Variants in ZNF804B observed in about 807,000 individuals in gnomAD.
ZNF804B encodes the protein zinc finger 804B.
ZNF804B carries 80 observed loss-of-function variants against 101.4 expected under a neutral mutation model. The observed-to-expected ratio is 0.79, with a 90% CI of 0.66 to 0.95. ZNF804B has a LOEUF of 0.95. Ranked by LOEUF, ZNF804B falls within the 40% of genes least tolerant of loss-of-function variation. The pLI is 0.00. For missense variants in ZNF804B, 1,673 were observed against 1,561.9 expected (o/e 1.07, Z -1.20); for synonymous variants, 622 against 558.8 (o/e 1.11, Z -1.59).
intron 1 of ZNF804B, among the ~76,000 whole-genome samples, chr7:88,871,430 T>C (rs1158878183): frequency 1.3e-5 from 2 of 151,484 alleles, no homozygotes; most frequent in African/African-American, 4.9e-5. Context: ...AACCTGAAAA[T>C]AGTAGAGGAA....
In ZNF804B at chr7:89,165,146, C is replaced by T. The variant is rs866555273; in HGVS notation, c.109-53009C>T. Among the ~76,000 whole-genome samples the T allele has an allele frequency of 6.8e-4, 103 of 152,188 alleles. 1 individual carries two copies. The highest frequency in any genetic ancestry group is 6.8e-3 in the Middle Eastern group (2 of 294). Reference sequence around the variant, plus strand: ...AAACTGATTATTCTGCTTCATGCTACAACTGTATGGCTAAAAAAAGAAATC... The same window carrying T: ...AAACTGATTATTCTGCTTCATGCTATAACTGTATGGCTAAAAAAAGAAATC... On this transcript the variant is annotated intron_variant, in intron 1 of 3. Transcript: ENST00000333190.
intron 1 of ZNF804B, among the ~76,000 whole-genome samples, chr7:89,034,815 G>C (rs1788899954): frequency 6.6e-6 from 1 of 152,120 alleles, no homozygotes; most frequent in Non-Finnish European, 1.5e-5. Flanking sequence ...AGATCCTTGA[G>C]GAATTGCCAG....
Position 88,759,881 on chromosome 7 carries a change from A to C in ZNF804B, c.-96A>C. 1 of 954,632 alleles carries C rather than the reference A, an allele frequency of 1.0e-6. No homozygotes were observed. The highest frequency in any genetic ancestry group is 2.4e-5 in the East Asian group (1 of 41,134). The allele number at this position is 954,632 out of a possible 1,614,324, so 59.1% of individuals were successfully genotyped here. The stretch of plus-strand genomic sequence containing the variant: ...GTCCTGCTGGCCGCGTCTTCTCGGG[A>C]GGTGGTAGTCGCTGTTGCCGCTGAG... On this transcript the variant is annotated 5_prime_UTR_variant, in exon 1 of 4. Transcript: ENST00000333190.
At chr7:89,325,435 C>G (rs38969) in intron 2 of ZNF804B, among the ~76,000 whole-genome samples, 13,450 of 151,624 alleles carry the variant, frequency 0.089, 713 homozygotes, top group Non-Finnish European at 0.12. Context: ...GTCTGTCTTC[C>G]TTGAAGGGAA....
At chr7:88,808,367 A>G (rs1790724477) in intron 1 of ZNF804B, among the ~76,000 whole-genome samples, 1 of 148,546 alleles carries the variant, frequency 6.7e-6, no homozygotes. Context: ...GGGGGACAAG[A>G]GTGAGACATC....
intron 1 of ZNF804B, among the ~76,000 whole-genome samples, chr7:89,105,245 C>T (rs990726315): frequency 1.3e-5 from 2 of 152,094 alleles, no homozygotes; most frequent in Non-Finnish European, 2.9e-5. Context: ...ACCCAGCACT[C>T]TCTTTTAATT....
intron 1 of ZNF804B, among the ~76,000 whole-genome samples, chr7:89,092,574 A>G (rs1789910275): frequency 6.6e-6 from 1 of 151,652 alleles, no homozygotes; most frequent in Non-Finnish European, 1.5e-5. Context: ...CACCATGCCC[A>G]GCTAATTTGT....
At chr7:88,872,441 A>G (rs555747296) in intron 1 of ZNF804B, among the ~76,000 whole-genome samples, 189 of 151,990 alleles carry the variant, frequency 1.2e-3, no homozygotes, top group Middle Eastern at 3.2e-3. Context: ...AAAATCCATG[A>G]TATTTCTTTT....
At chr7:89,163,286 G>A (rs1791095515) in intron 1 of ZNF804B, among the ~76,000 whole-genome samples, 1 of 152,062 alleles carries the variant, frequency 6.6e-6, no homozygotes, top group Non-Finnish European at 1.5e-5. Flanking sequence ...CAAAATAAGA[G>A]CTTCATGTAA....
At chr7:89,059,723 A>G (rs1789348545) in intron 1 of ZNF804B, among the ~76,000 whole-genome samples, 1 of 152,174 alleles carries the variant, frequency 6.6e-6, no homozygotes, top group Non-Finnish European at 1.5e-5. Flanking sequence ...GACAAGGGCT[A>G]TTCTGACTTG....
intron 1 of ZNF804B, among the ~76,000 whole-genome samples, chr7:89,175,662 T>C (rs909453711): frequency 2.0e-5 from 3 of 151,562 alleles, no homozygotes; most frequent in African/African-American, 7.3e-5. Context: ...CTTTTGGTAG[T>C]ATGCACATTT....
chr7:89,035,410 T>C (rs1788910369), intron 1 of ZNF804B, among the ~76,000 whole-genome samples: 1 of 137,270 alleles, frequency 7.3e-6, no homozygotes, highest in Non-Finnish European at 1.6e-5. Context: ...AATTGTGTTA[T>C]TAGAATAAGA....
At chr7:88,847,239 A>T (rs1791385654) in intron 1 of ZNF804B, among the ~76,000 whole-genome samples, 1 of 152,034 alleles carries the variant, frequency 6.6e-6, no homozygotes, top group African/African-American at 2.4e-5. Context: ...CTTCACTCTG[A>T]TAGTATTCAG....
At chr7:88,877,026 A>AATATATATAT (rs1231449305) in intron 1 of ZNF804B, among the ~76,000 whole-genome samples, 1 of 41,100 alleles carries the variant, frequency 2.4e-5, no homozygotes, top group Non-Finnish European at 3.5e-5. Context: ...ATATATATAT[A>AATATATATAT]ATATATATAT....
At chr7:88,781,880 C>G (rs763691881) in intron 1 of ZNF804B, among the ~76,000 whole-genome samples, 1 of 152,096 alleles carries the variant, frequency 6.6e-6, no homozygotes, top group Non-Finnish European at 1.5e-5. Flanking sequence ...CTGACTTAAG[C>G]ATAAAAGAAT....
At chr7:88,922,995 A>G (rs1302075857) in intron 1 of ZNF804B, among the ~76,000 whole-genome samples, 2 of 152,146 alleles carry the variant, frequency 1.3e-5, no homozygotes, top group African/African-American at 4.8e-5. Context: ...TATTGAAGAC[A>G]AAATAACTCA....
At chr7:89,231,786 A>G (rs1789196013) in intron 2 of ZNF804B, among the ~76,000 whole-genome samples, 1 of 151,954 alleles carries the variant, frequency 6.6e-6, no homozygotes, top group African/African-American at 2.4e-5. Flanking sequence ...TTTTATATCG[A>G]TCCTGTAATT....
intron 1 of ZNF804B, among the ~76,000 whole-genome samples, chr7:89,118,576 G>GA (rs142429532): frequency 0.019 from 2,871 of 150,504 alleles, 100 homozygotes; most frequent in African/African-American, 0.065. Context: ...TTTTTCACAA[G>GA]AAAAAAAAAT....
At chr7:88,818,104 A>C (rs11769984) in intron 1 of ZNF804B, among the ~76,000 whole-genome samples, 58,475 of 151,990 alleles carry the variant, frequency 0.38, 11,704 homozygotes, top group East Asian at 0.55. Flanking sequence ...AAAAAGTTTG[A>C]GATGAGGAAA....
Sources: allele counts gnomAD v4.1 joint callset (sites outside exome capture counted in the v4.1 genomes callset), GRCh38; gene constraint gnomAD v4.1.1; transcripts MANE v1.5; gene names NCBI Gene and HGNC (gene_info 2026-07-23, HGNC 2026-07-21).